AGR3: variants seen among roughly 807,000 people sequenced by gnomAD.
The protein encoded by AGR3 is anterior gradient protein 3.
Under a neutral mutation model 24.5 loss-of-function variants are expected in AGR3, and 37 were observed. The ratio of observed to expected loss-of-function variants is 1.51; its 90% CI spans 1.16 to 1.99. The LOEUF is 1.99. AGR3 is among the 30% of genes most tolerant of loss of function. The pLI, the probability that AGR3 is intolerant of heterozygous loss-of-function variation, is 0.00. For synonymous variants in AGR3, 75 were observed against 61.6 expected, an observed-to-expected ratio of 1.22 and a Z score of -1.02; for missense variants, 228 against 191.1, an observed-to-expected ratio of 1.19 and a Z score of -1.14.
At chr7:16,857,442 A>T (rs1201917559), downstream of AGR3, among the ~76,000 whole-genome samples, 4 of 152,192 alleles carry the variant, frequency 2.6e-5, no homozygotes, top group African/African-American at 9.6e-5. Context: ...TCTTAAAAAA[A>T]CTAAATTGTC....
intron 1 of AGR3, among the ~76,000 whole-genome samples, chr7:16,879,842 C>T (rs1220527174): frequency 6.6e-6 from 1 of 152,144 alleles, no homozygotes; most frequent in Admixed American, 6.5e-5. Context: ...AAAGTAGCAA[C>T]CGCAGTCGTG....
At chr7:16,873,134 T>C (rs890705728) in intron 3 of AGR3, among the ~76,000 whole-genome samples, 7 of 152,100 alleles carry the variant, frequency 4.6e-5, no homozygotes, top group African/African-American at 1.7e-4. Flanking sequence ...CAAAGAGATA[T>C]TTGCATCTCC....
In AGR3 at chr7:16,873,846, G is replaced by A. The variant is rs1562550647; in HGVS notation, c.110-3C>T. ...CCAAGTGATGTCATCTCCCCATCCT[G>A]AAATAGAAGAGAGAAATCAATGCAG... is the stretch of plus-strand genomic sequence containing the variant. On this transcript the variant is annotated splice_polypyrimidine_tract_variant and splice_region_variant and intron_variant, in intron 2 of 7. Coordinates refer to ENST00000310398, the MANE Select transcript of AGR3 (RefSeq NM_176813.5). 2 of 1,610,506 alleles carry A rather than the reference G, an allele frequency of 1.2e-6. No individual in the cohort carries two copies. The highest frequency in any genetic ancestry group is 2.2e-5 in the East Asian group (1 of 44,842).
At chr7:16,863,357 G>T (rs1442897195) in intron 3 of AGR3, among the ~76,000 whole-genome samples, 13 of 152,086 alleles carry the variant, frequency 8.5e-5, no homozygotes, top group African/African-American at 2.9e-4. Flanking sequence ...TTAATATTTG[G>T]CTATTTTCAC....
intron 3 of AGR3, chr7:16,865,675 C>G: frequency 1.2e-6 from 1 of 802,214 alleles, no homozygotes; most frequent in Non-Finnish European, 2.3e-6. Flanking sequence ...GATCTCCAAG[C>G]ATTTGTAACT....
At chr7:16,871,667 A>G (rs1180143494) in intron 3 of AGR3, among the ~76,000 whole-genome samples, 1 of 152,096 alleles carries the variant, frequency 6.6e-6, no homozygotes, top group Non-Finnish European at 1.5e-5. Flanking sequence ...ACATGGTGAA[A>G]CCCTGTTTCT....
At chr7:16,867,085 T>C (rs924016594) in intron 3 of AGR3, among the ~76,000 whole-genome samples, 2 of 152,166 alleles carry the variant, frequency 1.3e-5, no homozygotes, top group Non-Finnish European at 2.9e-5. Context: ...TGCCTCACTA[T>C]AATCTTGGCT....
Position 16,864,759 on chromosome 7 carries a change from T to G in AGR3, c.174-2097A>C, listed in dbSNP as rs573585804. 26 of 1,235,354 alleles carry G rather than the reference T, an allele frequency of 2.1e-5. No individual in the cohort carries two copies. The African/African-American group carries it at 3.6e-4, about 17-fold the overall frequency. The allele number at this position is 1,235,354 out of a possible 1,614,324, so 76.5% of individuals were successfully genotyped here. On this transcript the variant is annotated intron_variant, in intron 3 of 7. Transcript: ENST00000310398. The stretch of plus-strand genomic sequence containing the variant: ...TGTGCGAGGGTCAAAAACTTGATCC[T>G]TCTCCTTGGCAATGAGCATATCCTC...
At chr7:16,861,472 A>G in intron 5 of AGR3, 25 bp from the exon 6 acceptor site, 1 of 1,567,030 alleles carries the variant, frequency 6.4e-7, no homozygotes, top group Non-Finnish European at 8.7e-7. Flanking sequence ...AAAAAAAAGA[A>G]TGTTATTGGA....
intron 3 of AGR3, among the ~76,000 whole-genome samples, chr7:16,866,475 G>A (rs1014809556): frequency 2.0e-5 from 3 of 152,248 alleles, no homozygotes; most frequent in East Asian, 1.9e-4. Context: ...GGGTATGTTT[G>A]TGAATACATT....
intron 5 of AGR3, 146 bp from the exon 6 acceptor site, chr7:16,861,593 T>G: frequency 1.5e-6 from 1 of 671,994 alleles, no homozygotes; most frequent in East Asian, 2.8e-5. Flanking sequence ...TTTAGCTCTT[T>G]GTGCTTTAAA....
chr7:16,864,881 C>A, intron 3 of AGR3: 7 of 885,266 alleles, frequency 7.9e-6, no homozygotes, highest in Non-Finnish European at 1.2e-5. Context: ...AGGATACCTG[C>A]AAAACTTAGA....
chr7:16,869,127 G>T (rs1781816602), intron 3 of AGR3, among the ~76,000 whole-genome samples: 1 of 152,108 alleles, frequency 6.6e-6, no homozygotes, highest in Non-Finnish European at 1.5e-5. Context: ...ATTCATTGTT[G>T]AAAGTGGGGT....
At chr7:16,863,932 C>T (rs1353422047) in intron 3 of AGR3, among the ~76,000 whole-genome samples, 1 of 151,910 alleles carries the variant, frequency 6.6e-6, no homozygotes, top group Admixed American at 6.6e-5. Context: ...ATTTACAGCC[C>T]CCCATAAAGT....
intron 3 of AGR3, chr7:16,864,286 T>C (rs1781706659): frequency 1.5e-6 from 2 of 1,351,790 alleles, no homozygotes; most frequent in Non-Finnish European, 2.1e-6. Context: ...ACTCTCATAG[T>C]CTTCTATTAT....
intron 3 of AGR3, chr7:16,866,452 T>G (rs752749110): frequency 1.5e-5 from 4 of 261,576 alleles, no homozygotes; most frequent in Non-Finnish European, 3.2e-5. Context: ...AAAAAATGAT[T>G]TTGCACATAG....
At chr7:16,881,130 C>T (rs1260579276) in intron 1 of AGR3, among the ~76,000 whole-genome samples, 1 of 152,144 alleles carries the variant, frequency 6.6e-6, no homozygotes, top group African/African-American at 2.4e-5. Flanking sequence ...CAGAGACAAG[C>T]AGGTGGAATC....
chr7:16,876,049 G>C (rs1781980815), intron 2 of AGR3, among the ~76,000 whole-genome samples: 1 of 152,158 alleles, frequency 6.6e-6, no homozygotes, highest in Non-Finnish European at 1.5e-5. Flanking sequence ...TCCACAAACA[G>C]TAAAGGAACA....
chr7:16,864,844 A>G, intron 3 of AGR3: 2 of 874,012 alleles, frequency 2.3e-6, no homozygotes, highest in Non-Finnish European at 4.0e-6. Flanking sequence ...TTTCCTGAGT[A>G]AAGAGCGTGT....
Sources: gnomAD v4.1 joint callset for allele counts (sites outside exome capture counted in the v4.1 genomes callset) on GRCh38, gnomAD v4.1.1 for gene constraint, MANE v1.5 for transcripts, NCBI Gene and HGNC (gene_info 2026-07-23, HGNC 2026-07-21) for gene names.